CFAP96: variants seen among roughly 807,000 people sequenced by gnomAD.
The protein encoded by CFAP96 is cilia and flagella associated protein 96, also known as cilia-and flagella-associated protein 96.
At chr4:185,412,443 T>A in the CFAP96 span, among the ~76,000 whole-genome samples, 2 of 152,166 alleles carry the variant, frequency 1.3e-5, no homozygotes, top group African/African-American at 4.8e-5. Context: ...TGCATTTTTT[T>A]AATTCTTAAG....
the CFAP96 span, chr4:185,413,771 T>G: frequency 3.7e-6 from 6 of 1,613,542 alleles, no homozygotes; most frequent in Non-Finnish European, 3.4e-6. Flanking sequence ...TATGTGGATT[T>G]CTAATGTAAC....
At chr4:185,432,250 C>G in the CFAP96 span, 1 of 1,324,882 alleles carries the variant, frequency 7.5e-7, no homozygotes, top group Non-Finnish European at 1.0e-6. Flanking sequence ...GTACCTTTAT[C>G]CCTAAATTAA....
At chr4:185,421,933 C>T in the CFAP96 span, among the ~76,000 whole-genome samples, 1 of 152,206 alleles carries the variant, frequency 6.6e-6, no homozygotes, top group African/African-American at 2.4e-5. Context: ...ACTTGACCTT[C>T]CACTGGCATC....
chr4:185,447,401 T>G, the CFAP96 span, among the ~76,000 whole-genome samples: 1 of 152,064 alleles, frequency 6.6e-6, no homozygotes, highest in Non-Finnish European at 1.5e-5. Flanking sequence ...AGGATGGACT[T>G]GATCTCCTGA....
the CFAP96 span, chr4:185,418,468 T>A: frequency 1.2e-5 from 20 of 1,611,006 alleles, no homozygotes; most frequent in Middle Eastern, 1.7e-4. Context: ...TGTCCTTCTT[T>A]CTCATGAATT....
At chr4:185,422,377 ATCT>A in the CFAP96 span, 1 of 815,036 alleles carries the variant, frequency 1.2e-6, no homozygotes, top group South Asian at 1.6e-5. Context: ...TAACAATATA[ATCT>A]TAGTTCATCC....
the CFAP96 span, among the ~76,000 whole-genome samples, chr4:185,437,636 A>G: frequency 6.6e-6 from 1 of 152,194 alleles, no homozygotes; most frequent in Non-Finnish European, 1.5e-5. Flanking sequence ...ATAAAATTGT[A>G]TATAAGCTAG....
At chr4:185,442,550 T>G in the CFAP96 span, among the ~76,000 whole-genome samples, 1 of 152,192 alleles carries the variant, frequency 6.6e-6, no homozygotes, top group Admixed American at 6.5e-5. Flanking sequence ...CTTGACTTTC[T>G]TTTGCTTTGC....
chr4:185,445,310 C>G, the CFAP96 span: 1 of 710,142 alleles, frequency 1.4e-6, no homozygotes, highest in South Asian at 2.1e-5. Context: ...AGTTCTCCCC[C>G]ATCTTCTGAA....
the CFAP96 span, chr4:185,416,002 G>C: frequency 1.6e-6 from 1 of 641,352 alleles, no homozygotes; most frequent in Middle Eastern, 4.4e-4. Flanking sequence ...GTAGTGAAAA[G>C]GGGGAAAGAG....
chr4:185,439,460 TAA>T, the CFAP96 span, among the ~76,000 whole-genome samples: 2 of 152,284 alleles, frequency 1.3e-5, no homozygotes, highest in South Asian at 4.1e-4. Context: ...TTTTCTCAAG[TAA>T]CTATTTTAGA....
chr4:185,410,684 C>T, the CFAP96 span, among the ~76,000 whole-genome samples: 15 of 146,012 alleles, frequency 1.0e-4, no homozygotes, highest in African/African-American at 3.0e-4. Context: ...CAGTGGCTCA[C>T]GCCTGTAATC....
chr4:185,409,873 G>T, the CFAP96 span, among the ~76,000 whole-genome samples: 1 of 152,072 alleles, frequency 6.6e-6, no homozygotes, highest in South Asian at 2.1e-4. Flanking sequence ...GAATGATGGG[G>T]CCACAAACCA....
At chr4:185,410,008 C>T in the CFAP96 span, among the ~76,000 whole-genome samples, 1 of 152,086 alleles carries the variant, frequency 6.6e-6, no homozygotes. Context: ...AGAACTGAGA[C>T]AATACATTTT....
At chr4:185,410,390 C>T in the CFAP96 span, among the ~76,000 whole-genome samples, 4 of 152,210 alleles carry the variant, frequency 2.6e-5, no homozygotes, top group Admixed American at 2.6e-4. Flanking sequence ...TGGCTCATGC[C>T]TGTAATCCCA....
the CFAP96 span, among the ~76,000 whole-genome samples, chr4:185,427,587 C>A: frequency 6.6e-6 from 1 of 151,078 alleles, no homozygotes; most frequent in Non-Finnish European, 1.5e-5. Context: ...TGGTGAAACC[C>A]CGTTTCTACT....
the CFAP96 span, among the ~76,000 whole-genome samples, chr4:185,433,538 CT>C: frequency 5.9e-5 from 9 of 151,976 alleles, no homozygotes; most frequent in South Asian, 2.1e-4. Flanking sequence ...AGTAAAACTA[CT>C]TTGTATAACT....
chr4:185,408,886 A>C, the CFAP96 span, among the ~76,000 whole-genome samples: 13 of 151,202 alleles, frequency 8.6e-5, no homozygotes, highest in Non-Finnish European at 1.5e-4. Context: ...TTCTCTCACT[A>C]CCCCACCCCC....
At chr4:185,426,969 CAGG>C in the CFAP96 span, among the ~76,000 whole-genome samples, 2 of 147,348 alleles carry the variant, frequency 1.4e-5, no homozygotes, top group Non-Finnish European at 3.0e-5. Flanking sequence ...GAGGCTGAGA[CAGG>C]AGAATCGCTT....
Sources: gnomAD v4.1 joint callset for allele counts (sites outside exome capture counted in the v4.1 genomes callset) on GRCh38, gnomAD v4.1.1 for gene constraint, MANE v1.5 for transcripts, NCBI Gene and HGNC (gene_info 2026-07-23, HGNC 2026-07-21) for gene names.